Variants in DHRSX observed in about 807,000 individuals in gnomAD.
DHRSX encodes the protein dehydrogenase/reductase X-linked.
In DHRSX, 31 loss-of-function variants were observed where a neutral mutation model predicts 34.0. The ratio of observed to expected loss-of-function variants is 0.91; its 90% CI spans 0.69 to 1.23. The LOEUF (loss-of-function observed/expected upper bound fraction) is 1.23, where lower values mean the gene tolerates loss of function less well. Among genes scored for constraint, DHRSX ranks in the 50% most tolerant of loss-of-function variants. The pLI, the probability that DHRSX is intolerant of heterozygous loss-of-function variation, is 0.00. For synonymous variants in DHRSX, 201 were observed against 183.8 expected, an observed-to-expected ratio of 1.09 and a Z score of -0.76; for missense variants, 414 against 428.1, an observed-to-expected ratio of 0.97 and a Z score of 0.29.
At chrX:2,421,253 G>A (rs750508586) in intron 2 of DHRSX, among the ~76,000 whole-genome samples, 6 of 152,114 alleles carry the variant, frequency 3.9e-5, no homozygotes, top group Admixed American at 3.3e-4. Flanking sequence ...GGTGGTGCAC[G>A]CCTGTGGTCC....
intron 1 of DHRSX, among the ~76,000 whole-genome samples, chrX:2,431,986 T>A (rs2043930352): frequency 1.3e-5 from 2 of 150,576 alleles, no homozygotes; most frequent in South Asian, 2.1e-4. Context: ...AGGTCAGGAG[T>A]TCAAGACCAG....
intron 3 of DHRSX, among the ~76,000 whole-genome samples, chrX:2,318,002 C>T (rs181153913): frequency 7.6e-4 from 116 of 152,052 alleles, no homozygotes; most frequent in Middle Eastern, 3.4e-3. Flanking sequence ...AGAGCATCTC[C>T]GCTGGGGAGG....
At chrX:2,407,482 G>A (rs1046055898) in intron 3 of DHRSX, among the ~76,000 whole-genome samples, 6 of 152,186 alleles carry the variant, frequency 3.9e-5, no homozygotes, top group African/African-American at 1.4e-4. Context: ...TCTGTGCGTG[G>A]ATGATTAAAG....
chrX:2,264,677 C>T (rs1274574915), intron 5 of DHRSX, among the ~76,000 whole-genome samples: 1 of 147,538 alleles, frequency 6.8e-6, no homozygotes, highest in Non-Finnish European at 1.5e-5. Context: ...CAGGGAGCAC[C>T]ATTTCCAGGG....
intron 2 of DHRSX, among the ~76,000 whole-genome samples, chrX:2,409,711 G>T (rs959899667): frequency 7.9e-5 from 12 of 151,384 alleles, no homozygotes; most frequent in African/African-American, 2.7e-4. Flanking sequence ...TGTTAATTGG[G>T]TTTTTTTGTT....
chrX:2,346,565 G>C (rs1346133170), intron 3 of DHRSX, among the ~76,000 whole-genome samples: 1 of 151,748 alleles, frequency 6.6e-6, no homozygotes, highest in Non-Finnish European at 1.5e-5. Flanking sequence ...TCTTCTCACA[G>C]CAAATCTAAG....
chrX:2,459,550 G>GTATATATA (rs57748851), intron 1 of DHRSX, among the ~76,000 whole-genome samples: 2,737 of 137,564 alleles, frequency 0.02, 51 homozygotes, highest in South Asian at 0.037. Context: ...GTGTCTGTGT[G>GTATATATA]TATATATATA....
chrX:2,319,355 C>T (rs1029464156), intron 3 of DHRSX, among the ~76,000 whole-genome samples: 1 of 151,580 alleles, frequency 6.6e-6, no homozygotes, highest in Non-Finnish European at 1.5e-5. Context: ...CCAGCCTGGC[C>T]AATATGGTGA....
chrX:2,443,955 G>A (rs1396417933), intron 1 of DHRSX, among the ~76,000 whole-genome samples: 2 of 148,764 alleles, frequency 1.3e-5, no homozygotes, highest in Non-Finnish European at 3.0e-5. Context: ...GCAGTGAGCT[G>A]AGATCACACC....
At chrX:2,420,190 C>T (rs757277283) in intron 2 of DHRSX, among the ~76,000 whole-genome samples, 186 of 151,276 alleles carry the variant, frequency 1.2e-3, no homozygotes, top group African/African-American at 4.3e-3. Flanking sequence ...AGGCAAATTA[C>T]GAGGTCAAGA....
intron 3 of DHRSX, among the ~76,000 whole-genome samples, chrX:2,309,896 A>G (rs372070771): frequency 5.9e-5 from 9 of 152,266 alleles, no homozygotes; most frequent in African/African-American, 1.9e-4. Flanking sequence ...ACTCCAGCTT[A>G]GAAAACAGAG....
At chrX:2,367,235 C>G (rs2043004351) in intron 3 of DHRSX, among the ~76,000 whole-genome samples, 1 of 152,024 alleles carries the variant, frequency 6.6e-6, no homozygotes, top group Admixed American at 6.6e-5. Flanking sequence ...GTCAGGAGTT[C>G]AAGACCAGCC....
intron 3 of DHRSX, among the ~76,000 whole-genome samples, chrX:2,362,087 T>C (rs1008707035): frequency 3.3e-5 from 5 of 152,056 alleles, no homozygotes; most frequent in Non-Finnish European, 7.3e-5. Context: ...CTGGAGTGGA[T>C]TGGAAAAGAG....
chrX:2,361,558 T>C (rs1387202648), intron 3 of DHRSX, among the ~76,000 whole-genome samples: 6 of 152,160 alleles, frequency 3.9e-5, no homozygotes, highest in Non-Finnish European at 8.8e-5. Context: ...TCAATTTTCT[T>C]CTTGGTATTA....
At chrX:2,485,377 G>C (rs1460816950) in intron 1 of DHRSX, among the ~76,000 whole-genome samples, 2 of 151,574 alleles carry the variant, frequency 1.3e-5, no homozygotes, top group African/African-American at 4.9e-5. Flanking sequence ...CCCAAGGACA[G>C]GCAGTCAACC....
At chrX:2,442,514 G>A (rs1051784031) in intron 1 of DHRSX, among the ~76,000 whole-genome samples, 6 of 151,520 alleles carry the variant, frequency 4.0e-5, no homozygotes, top group African/African-American at 9.7e-5. Flanking sequence ...GGATAATAAA[G>A]CCCAGTACGT....
chrX:2,308,094 G>A lies in DHRSX; in HGVS notation c.287-16491C>T, dbSNP rs368950937. On this transcript the variant is annotated intron_variant, in intron 3 of 6. Coordinates refer to ENST00000334651, the MANE Select transcript of DHRSX (RefSeq NM_145177.3). ...ATTTAGATAATTTAGAGAAATGAAA[G>A]TTAGAGTGTTTGGGAGTATTTAACG... Among the ~76,000 whole-genome samples, 5 of 152,274 alleles carry A rather than the reference G, an allele frequency of 3.3e-5. No individual in the cohort carries two copies. In the South Asian group the frequency reaches 6.2e-4, roughly 19 times the overall value.
intron 3 of DHRSX, among the ~76,000 whole-genome samples, chrX:2,346,600 T>A (rs1421064060): frequency 6.6e-6 from 1 of 151,720 alleles, no homozygotes; most frequent in Non-Finnish European, 1.5e-5. Context: ...ACTCCCATGT[T>A]CCCCTCCCCA....
chrX:2,334,963 T>A (rs1175167088), intron 3 of DHRSX: 3 of 151,952 alleles, frequency 2.0e-5, no homozygotes, highest in African/African-American at 7.2e-5. Flanking sequence ...GCGGATTGTC[T>A]GAGGTCAGGA....
Sources: gnomAD v4.1 joint callset for allele counts (sites outside exome capture counted in the v4.1 genomes callset) on GRCh38, gnomAD v4.1.1 for gene constraint, MANE v1.5 for transcripts, NCBI Gene and HGNC (gene_info 2026-07-23, HGNC 2026-07-21) for gene names.